Variants in TRPM8 observed in about 807,000 individuals in gnomAD.
TRPM8 encodes transient receptor potential cation channel subfamily M member 8.
In TRPM8, 110 loss-of-function variants were observed where a neutral mutation model predicts 133.7. The ratio of observed to expected loss-of-function variants is 0.82; its 90% CI spans 0.70 to 0.96. TRPM8 has a LOEUF of 0.96. TRPM8 is among the 40% of genes least tolerant of loss of function. The probability of loss-of-function intolerance (pLI) is 0.00; values close to 1 mark genes in which losing one functional copy is unlikely to be tolerated. For synonymous variants in TRPM8, 535 were observed against 532.3 expected (o/e 1.01, Z -0.07); for missense variants, 1,291 against 1,379.5 (o/e 0.94, Z 1.02).
In TRPM8 at chr2:233,980,218, G is replaced by C; in HGVS notation, c.2386G>C (p.Asp796His). 2 of 1,604,258 alleles carry C rather than the reference G, an allele frequency of 1.2e-6. No homozygotes were observed. The highest frequency in any genetic ancestry group is 1.7e-5 in the Admixed American group (1 of 57,996). Reference sequence around the variant, plus strand: ...CGTAAATGGGGTGAATTATTTTACTGACCTGTGGAATGTGATGGACACGCT... The same window carrying C: ...CGTAAATGGGGTGAATTATTTTACTCACCTGTGGAATGTGATGGACACGCT... ...WYVNGVNYFT[D>H]LWNVMDTLGL... Residue 796 changes from aspartate (D) to histidine (H), a missense_variant, in exon 18 of 26, where the codon GAC (aspartate) becomes CAC (histidine). Physicochemically the swap from Asp to His is moderately conservative, Grantham distance 81. This residue lies in a region of TRPM8 where 328 missense variants were observed against 410.6 expected (regional missense o/e 0.80). Coordinates refer to ENST00000324695, the MANE Select transcript of TRPM8 (RefSeq NM_024080.5).
Position 233,976,427 on chromosome 2 carries a change from G to A in TRPM8, c.2356-3761G>A, listed in dbSNP as rs1031906800. ...AGGCCCTGGGCAGGGTTAGCATGAG[G>A]TGTTTTTGCTCAGGGAGGACACAGG... On this transcript the variant is annotated intron_variant, in intron 17 of 25. Transcript: ENST00000324695. 4.6e-5 allele frequency among the ~76,000 whole-genome samples: 7 copies of A among 152,272 alleles called. No individual in the cohort carries two copies. The East Asian group carries it at 1.4e-3, about 29-fold the overall frequency.
intron 22 of TRPM8, among the ~76,000 whole-genome samples, chr2:233,998,302 A>G (rs1344616991): frequency 6.6e-6 from 1 of 152,184 alleles, no homozygotes; most frequent in Non-Finnish European, 1.5e-5. Context: ...ATATATATTA[A>G]TGTATTTGTT....
Position 233,988,852 on chromosome 2 carries a change from G to T in TRPM8, c.2939+2987G>T, listed in dbSNP as rs144758663. 4.7e-3 allele frequency among the ~76,000 whole-genome samples: 716 copies of T among 152,312 alleles called. 9 individuals carry two copies. Among genetic ancestry groups the T allele is most frequent in the African/African-American group, 0.017 (688 of 41,558 alleles). ...ATCTGAGCTGCAGAGAGAAGCAGCA[G>T]GTTATGGGTGATTATGTCTCCACAA... is the stretch of plus-strand genomic sequence containing the variant. On this transcript the variant is annotated intron_variant, in intron 21 of 25. Transcript: ENST00000324695.
chr2:233,964,621 TAA>T lies in TRPM8; in HGVS notation c.1750-3_1750-2del. 1 of 1,322,030 alleles carries T rather than the reference TAA, an allele frequency of 7.6e-7. No homozygotes were observed. The highest frequency in any genetic ancestry group is 1.8e-5 in the African/African-American group (1 of 56,660). 81.9% of individuals were successfully genotyped at this position (1,322,030 alleles called of 1,614,324 possible). Reference sequence around the variant, plus strand: ...TTAACCTTAAAATTCTTCACCCCCCTAAAAAGACCAGGGGCTGCACTCTGGCA... The same window carrying T: ...TTAACCTTAAAATTCTTCACCCCCCTAAAGACCAGGGGCTGCACTCTGGCA... On this transcript the variant is annotated splice_region_variant and splice_polypyrimidine_tract_variant and intron_variant, in intron 13 of 25. Transcript: ENST00000324695.
chr2:233,979,026 A>G (rs773327548), intron 17 of TRPM8, among the ~76,000 whole-genome samples: 1 of 152,246 alleles, frequency 6.6e-6, no homozygotes, highest in Non-Finnish European at 1.5e-5. Flanking sequence ...TCGGGCTCAG[A>G]ATCATGAGGT....
At chr2:233,923,937 A>C (rs563559434) in intron 1 of TRPM8, among the ~76,000 whole-genome samples, 5 of 152,356 alleles carry the variant, frequency 3.3e-5, no homozygotes, top group Admixed American at 2.0e-4. Flanking sequence ...TCAGGACTTC[A>C]GAATAAGGGG....
At chr2:234,000,900 A>T (rs550274304) in intron 22 of TRPM8, among the ~76,000 whole-genome samples, 2 of 152,200 alleles carry the variant, frequency 1.3e-5, no homozygotes, top group South Asian at 4.1e-4. Context: ...ATGGTCTCGA[A>T]CTCCTGGCTT....
chr2:233,994,994 TGAA>T (rs1243395865), intron 21 of TRPM8, among the ~76,000 whole-genome samples: 1 of 152,256 alleles, frequency 6.6e-6, no homozygotes, highest in African/African-American at 2.4e-5. Flanking sequence ...AAAATCCTTT[TGAA>T]ATGAAGCATA....
At chr2:233,951,079 C>T (rs770786264) in intron 9 of TRPM8, among the ~76,000 whole-genome samples, 3 of 151,368 alleles carry the variant, frequency 2.0e-5, no homozygotes, top group Non-Finnish European at 4.4e-5. Context: ...CAAAAATTAC[C>T]CAGGCATGCT....
chr2:233,955,067 C>T, intron 10 of TRPM8, 65 bp from the exon 11 acceptor site: 1 of 1,227,818 alleles, frequency 8.1e-7, no homozygotes, highest in East Asian at 2.4e-5. Flanking sequence ...ATTGGCCACA[C>T]TGAATGGTTC....
intron 8 of TRPM8, among the ~76,000 whole-genome samples, chr2:233,948,344 A>G (rs981552033): frequency 1.2e-4 from 19 of 152,252 alleles, no homozygotes; most frequent in African/African-American, 1.9e-4. Flanking sequence ...TTGTCAGTGT[A>G]TTAAAACCTT....
rs759772183 is a variant in TRPM8 at position 233,983,217 on chromosome 2, C to T, written c.2754C>T (p.Asp918=). 3.7e-6 allele frequency: 6 copies of T among 1,613,980 alleles called. No individual in the cohort carries two copies. The highest frequency in any genetic ancestry group is 2.2e-5 in the East Asian group (1 of 44,882). ...YLAMFGQVPS[D]VDGTTYDFAH... ...CCATGTTCGGCCAGGTGCCCAGTGACGTGGATGGTAAGCCTGACTTGGCTC... is the reference window on the plus strand; with the variant it reads ...CCATGTTCGGCCAGGTGCCCAGTGATGTGGATGGTAAGCCTGACTTGGCTC... The change falls in exon 20 of 26, where the codon GAC becomes GAT. Residue 918 remains aspartate, a synonymous_variant. Transcript: ENST00000324695.
chr2:233,955,100 G>A, intron 10 of TRPM8, 32 bp from the exon 11 acceptor site: 1 of 1,523,508 alleles, frequency 6.6e-7, no homozygotes. Flanking sequence ...CTGAGCCTTT[G>A]GTGAGTTGAG....
In TRPM8 at chr2:233,983,200, G is replaced by C; in HGVS notation, c.2737G>C (p.Gly913Arg). The part of the protein sequence containing the change: ...VIYEPYLAMF[G>R]QVPSDVDGTT... ...CTACGAGCCCTACCTGGCCATGTTC[G>C]GCCAGGTGCCCAGTGACGTGGATGG... Residue 913 changes from glycine (G) to arginine (R), a missense_variant, in exon 20 of 26, where the codon GGC becomes CGC. Coordinates refer to ENST00000324695, the MANE Select transcript of TRPM8 (RefSeq NM_024080.5). The C allele has an allele frequency of 6.2e-7, 1 of 1,614,122 alleles. No individual in the cohort carries two copies. Among genetic ancestry groups the C allele is most frequent in the Non-Finnish European group, 8.5e-7 (1 of 1,180,012 alleles).
chr2:234,001,976 A>T (rs1692577617), intron 22 of TRPM8, among the ~76,000 whole-genome samples: 1 of 152,198 alleles, frequency 6.6e-6, no homozygotes, highest in African/African-American at 2.4e-5. Context: ...AGCAGGGCTC[A>T]TCATCTGGGG....
At chr2:233,951,034 C>G (rs1559525787) in intron 9 of TRPM8, among the ~76,000 whole-genome samples, 2 of 146,184 alleles carry the variant, frequency 1.4e-5, no homozygotes, top group Non-Finnish European at 3.0e-5. Flanking sequence ...GACCCCGTCC[C>G]TACAAACAAA....
At chr2:233,999,472 G>A (rs1247774567) in intron 22 of TRPM8, among the ~76,000 whole-genome samples, 1 of 151,474 alleles carries the variant, frequency 6.6e-6, no homozygotes, top group African/African-American at 2.5e-5. Context: ...CTGCTTCTGG[G>A]TGGGAAGGAC....
chr2:233,965,051 TG>T (rs1157115809), intron 14 of TRPM8, among the ~76,000 whole-genome samples: 9 of 60,664 alleles, frequency 1.5e-4, no homozygotes, highest in Middle Eastern at 9.9e-3. Context: ...TACTTTTTTT[TG>T]TGGGGGGGGG....
intron 25 of TRPM8, among the ~76,000 whole-genome samples, chr2:234,016,033 A>G (rs1574799007): frequency 6.6e-6 from 1 of 152,360 alleles, no homozygotes; most frequent in African/African-American, 2.4e-5. Flanking sequence ...CAGTCTTCTC[A>G]TCTCTCATTC....
Sources: allele counts gnomAD v4.1 joint callset (sites outside exome capture counted in the v4.1 genomes callset), GRCh38; gene constraint gnomAD v4.1.1; regional missense constraint gnomAD v4.1.1; transcripts MANE v1.5; gene names NCBI Gene and HGNC (gene_info 2026-07-23, HGNC 2026-07-21).